Variants in CACNA2D3 observed in about 807,000 individuals in gnomAD.
CACNA2D3 encodes the protein voltage-dependent calcium channel subunit alpha-2/delta-3.
CACNA2D3 carries 60 observed loss-of-function variants against 160.6 expected under a neutral mutation model. The observed-to-expected ratio is 0.37, with a 90% CI of 0.30 to 0.46. The LOEUF is 0.46. Among genes scored for constraint, CACNA2D3 ranks in the 20% least tolerant of loss-of-function variants. The pLI, the probability that CACNA2D3 is intolerant of heterozygous loss-of-function variation, is 1.00. For synonymous variants in CACNA2D3, 558 were observed against 492.9 expected (o/e 1.13, Z -1.75); for missense variants, 1,205 against 1,365.0 (o/e 0.88, Z 1.85).
chr3:54,634,040 T>C (rs1699306598), intron 10 of CACNA2D3, among the ~76,000 whole-genome samples: 1 of 152,208 alleles, frequency 6.6e-6, no homozygotes, highest in Non-Finnish European at 1.5e-5. Context: ...TATCCAGTTA[T>C]GTATGGTCTT....
chr3:54,478,559 G>A (rs1380179581), intron 4 of CACNA2D3, among the ~76,000 whole-genome samples: 1 of 146,548 alleles, frequency 6.8e-6, no homozygotes, highest in African/African-American at 2.5e-5. Flanking sequence ...GTGAACCTGG[G>A]AGGCGGAGCT....
At chr3:54,758,765 C>T (rs995896897) in intron 12 of CACNA2D3, among the ~76,000 whole-genome samples, 4 of 152,104 alleles carry the variant, frequency 2.6e-5, no homozygotes, top group African/African-American at 9.7e-5. Context: ...TTGGTGCTGG[C>T]TCTCAGGTTT....
At chr3:54,919,232 A>G (rs1373762003) in intron 27 of CACNA2D3, among the ~76,000 whole-genome samples, 2 of 152,242 alleles carry the variant, frequency 1.3e-5, no homozygotes, top group African/African-American at 4.8e-5. Context: ...TGCCCACTGC[A>G]TTCGTGCCAC....
At chr3:54,916,577 A>T (rs1700665392) in intron 27 of CACNA2D3, among the ~76,000 whole-genome samples, 2 of 152,234 alleles carry the variant, frequency 1.3e-5, no homozygotes, top group Non-Finnish European at 2.9e-5. Context: ...TTGCTGCTCC[A>T]GAAAGGTGGT....
At chr3:54,756,055 A>G (rs1701963862) in intron 12 of CACNA2D3, among the ~76,000 whole-genome samples, 1 of 152,188 alleles carries the variant, frequency 6.6e-6, no homozygotes, top group South Asian at 2.1e-4. Context: ...AACTCAGAGT[A>G]TTTTAGGGCC....
intron 8 of CACNA2D3, among the ~76,000 whole-genome samples, chr3:54,576,768 C>T (rs1702589063): frequency 6.6e-6 from 1 of 152,154 alleles, no homozygotes. Context: ...GGTGCAGTGG[C>T]TCATGCCTAT....
intron 4 of CACNA2D3, among the ~76,000 whole-genome samples, chr3:54,475,672 G>A (rs968461627): frequency 2.0e-5 from 3 of 151,962 alleles, no homozygotes; most frequent in African/African-American, 4.8e-5. Context: ...CAAGTTATGC[G>A]TCCCTCTCCC....
chr3:54,518,752 T>G (rs543977133), intron 5 of CACNA2D3, among the ~76,000 whole-genome samples: 2 of 90,994 alleles, frequency 2.2e-5, no homozygotes, highest in South Asian at 7.0e-4. Context: ...TTTGACATTT[T>G]TCAACCATTT....
At chr3:54,992,393 C>T (rs924016710) in intron 31 of CACNA2D3, among the ~76,000 whole-genome samples, 5 of 152,146 alleles carry the variant, frequency 3.3e-5, no homozygotes, top group African/African-American at 1.2e-4. Flanking sequence ...ACAGCCCACC[C>T]TCCTGAGTGT....
intron 2 of CACNA2D3, among the ~76,000 whole-genome samples, chr3:54,313,268 C>T (rs150046621): frequency 2.0e-5 from 3 of 152,072 alleles, no homozygotes; most frequent in Admixed American, 6.5e-5. Context: ...GCCCCTAGAA[C>T]CCTTGATGTC....
At chr3:54,611,178 A>G (rs1475181779) in intron 9 of CACNA2D3, among the ~76,000 whole-genome samples, 2 of 152,208 alleles carry the variant, frequency 1.3e-5, no homozygotes, top group East Asian at 1.9e-4. Flanking sequence ...AAGTGTGAAT[A>G]CAGCCTAGCT....
At chr3:54,742,571 C>G (rs1488578920) in intron 11 of CACNA2D3, among the ~76,000 whole-genome samples, 1 of 152,210 alleles carries the variant, frequency 6.6e-6, no homozygotes, top group East Asian at 1.9e-4. Flanking sequence ...TCCACCCACT[C>G]AGCTCTGGCT....
chr3:54,281,441 G>C (rs574561671), intron 2 of CACNA2D3, among the ~76,000 whole-genome samples: 63 of 152,294 alleles, frequency 4.1e-4, no homozygotes, highest in Non-Finnish European at 5.3e-4. Flanking sequence ...CCCGGTGGCA[G>C]AGTGGATCAT....
chr3:54,204,661 T>A (rs2107353488), intron 2 of CACNA2D3, among the ~76,000 whole-genome samples: 1 of 151,882 alleles, frequency 6.6e-6, no homozygotes, highest in African/African-American at 2.4e-5. Flanking sequence ...CTGGATGTGG[T>A]GGCACATGCC....
intron 11 of CACNA2D3, among the ~76,000 whole-genome samples, chr3:54,695,588 G>C (rs539502004): frequency 1.3e-5 from 2 of 152,062 alleles, no homozygotes; most frequent in Non-Finnish European, 2.9e-5. Flanking sequence ...CCCCTTACCT[G>C]CTAGTTGTTG....
intron 16 of CACNA2D3, among the ~76,000 whole-genome samples, chr3:54,844,829 A>T (rs1285283346): frequency 6.6e-6 from 1 of 152,218 alleles, no homozygotes; most frequent in Non-Finnish European, 1.5e-5. Context: ...TGTACATTAG[A>T]AGGTGCTGAA....
chr3:54,743,971 TTCTG>T (rs976197067), intron 11 of CACNA2D3, among the ~76,000 whole-genome samples: 4 of 152,324 alleles, frequency 2.6e-5, no homozygotes, highest in African/African-American at 9.6e-5. Context: ...ACAGACTCAG[TTCTG>T]TCTGTCTGTC....
intron 29 of CACNA2D3, among the ~76,000 whole-genome samples, chr3:54,982,640 A>G (rs759407914): frequency 1.3e-5 from 2 of 152,092 alleles, no homozygotes; most frequent in Non-Finnish European, 2.9e-5. Context: ...GTTTATTAGG[A>G]AAGTAAAGGG....
chr3:54,280,938 T>C (rs567145679), intron 2 of CACNA2D3, among the ~76,000 whole-genome samples: 3 of 152,326 alleles, frequency 2.0e-5, no homozygotes, highest in Admixed American at 1.3e-4. Context: ...TTGAGCATAC[T>C]ACTTTCTTGC....
Sources: allele counts gnomAD v4.1 joint callset (sites outside exome capture counted in the v4.1 genomes callset), GRCh38; gene constraint gnomAD v4.1.1; transcripts MANE v1.5; gene names NCBI Gene and HGNC (gene_info 2026-07-23, HGNC 2026-07-21).